NRXN1: variants seen among roughly 807,000 people sequenced by gnomAD.
NRXN1 encodes the protein neurexin 1.
Under a neutral mutation model 150.9 loss-of-function variants are expected in NRXN1, and 39 were observed. That is an observed-to-expected ratio of 0.26 (90% CI 0.20 to 0.34). NRXN1 has a LOEUF of 0.34. NRXN1 is among the 10% of genes least tolerant of loss of function. NRXN1 has a pLI of 1.00. For missense variants in NRXN1, 1,815 were observed against 1,949.9 expected, an observed-to-expected ratio of 0.93 and a Z score of 1.30; for synonymous variants, 924 against 757.0, an observed-to-expected ratio of 1.22 and a Z score of -3.62.
Position 49,961,366 on chromosome 2 carries a change from C to T in NRXN1, c.4129-17575G>A, listed in dbSNP as rs77952945. 1.7e-4 allele frequency among the ~76,000 whole-genome samples: 26 copies of T among 151,926 alleles called. No individual in the cohort carries two copies. In the East Asian group the frequency reaches 4.9e-3, roughly 28 times the overall value. On this transcript the variant is annotated intron_variant, in intron 21 of 22. Coordinates refer to ENST00000401669, the MANE Select transcript of NRXN1 (RefSeq NM_001330078.2). ...CACACACATCAATCTCTCAATCTCC[C>T]GTCCTCCTTGTTGTAACATTTTGTT...
intron 18 of NRXN1, among the ~76,000 whole-genome samples, chr2:50,103,816 C>G (rs971439424): frequency 2.0e-5 from 3 of 151,946 alleles, no homozygotes; most frequent in Non-Finnish European, 4.4e-5. Flanking sequence ...TCAGTAAAGA[C>G]AGCCGAAGGA....
chr2:50,058,399 G>C (rs1280498459), intron 19 of NRXN1, among the ~76,000 whole-genome samples: 1 of 152,176 alleles, frequency 6.6e-6, no homozygotes, highest in East Asian at 1.9e-4. Flanking sequence ...AATTCAGTGA[G>C]CACTGTTTTA....
intron 18 of NRXN1, among the ~76,000 whole-genome samples, chr2:50,204,651 G>T (rs2062434367): frequency 6.6e-6 from 1 of 151,914 alleles, no homozygotes; most frequent in South Asian, 2.1e-4. Context: ...CATTTGGTTG[G>T]GTGCTTATTT....
chr2:50,041,605 T>A (rs1036347433), intron 21 of NRXN1, among the ~76,000 whole-genome samples: 1 of 152,196 alleles, frequency 6.6e-6, no homozygotes, highest in Non-Finnish European at 1.5e-5. Flanking sequence ...GTGAAGTAAG[T>A]TTTAGCTATT....
chr2:50,866,064 T>C (rs62140628), intron 5 of NRXN1, among the ~76,000 whole-genome samples: 3,905 of 151,860 alleles, frequency 0.026, 77 homozygotes, highest in Non-Finnish European at 0.037. Context: ...TTTGGCCAAA[T>C]TGGTCTGTCT....
chr2:50,787,291 G>A (rs1705258295), intron 5 of NRXN1, among the ~76,000 whole-genome samples: 1 of 152,032 alleles, frequency 6.6e-6, no homozygotes, highest in Non-Finnish European at 1.5e-5. Context: ...AGGGCGCTGT[G>A]GCTCATGCCT....
intron 5 of NRXN1, among the ~76,000 whole-genome samples, chr2:50,651,502 G>GACATA (rs1553928006): frequency 0.02 from 2,917 of 146,840 alleles, 93 homozygotes; most frequent in African/African-American, 0.074. Context: ...GACATGACAT[G>GACATA]ACATGACATA....
At chr2:50,173,407 A>T (rs553070783) in intron 18 of NRXN1, among the ~76,000 whole-genome samples, 1 of 152,348 alleles carries the variant, frequency 6.6e-6, no homozygotes, top group African/African-American at 2.4e-5. Flanking sequence ...TCAGTGAATC[A>T]TCAGAGTAGT....
chr2:50,219,616 G>A (rs2063655343), intron 18 of NRXN1, among the ~76,000 whole-genome samples: 1 of 151,444 alleles, frequency 6.6e-6, no homozygotes, highest in Non-Finnish European at 1.5e-5. Context: ...GTCAAATACA[G>A]TGGCTCACTC....
At chr2:50,192,559 T>C (rs111839209) in intron 18 of NRXN1, among the ~76,000 whole-genome samples, 8 of 151,278 alleles carry the variant, frequency 5.3e-5, no homozygotes, top group African/African-American at 1.9e-4. Context: ...TGTAAAATGA[T>C]ACCTATATAT....
At chr2:50,749,999 C>T (rs1700406677) in intron 5 of NRXN1, among the ~76,000 whole-genome samples, 1 of 152,008 alleles carries the variant, frequency 6.6e-6, no homozygotes, top group Non-Finnish European at 1.5e-5. Context: ...AGATTGTATC[C>T]TAACATCGCT....
At position 50,506,511 on chromosome 2, in the gene NRXN1, G is replaced by T. The variant is rs2092230458; in HGVS notation, c.2481C>A (p.Asp827Glu). 6.2e-7 allele frequency: 1 copy of T among 1,612,778 alleles called. No individual in the cohort carries two copies. Among genetic ancestry groups the T allele is most frequent in the Non-Finnish European group, 8.5e-7 (1 of 1,179,318 alleles). Residue 827 changes from aspartate (D) to glutamate (E), a missense_variant, in exon 13 of 23, where the codon GAC (aspartate) becomes GAA (glutamate). Physicochemically the swap from Asp to Glu is conservative, Grantham distance 45. Around this residue, in one of 6 missense-constraint regions of NRXN1, gnomAD observed 638 missense variants for 652.6 expected, o/e 0.98. Coordinates refer to ENST00000401669, the MANE Select transcript of NRXN1 (RefSeq NM_001330078.2). ...GGTGTTTACCTGTCATGGCCTGTTG[G>T]TCATCCACTGTTAACTTTAAACTTT... Reference protein sequence around the residue: ...RGKSLKLTVDDQQAMTGQMAG... With the variant: ...RGKSLKLTVDEQQAMTGQMAG...
intron 2 of NRXN1, among the ~76,000 whole-genome samples, chr2:50,973,868 G>A (rs10179183): frequency 0.1 from 15,714 of 151,900 alleles, 905 homozygotes; most frequent in South Asian, 0.17. Context: ...TAGATTTCTG[G>A]CTTTTGTAGT....
intron 8 of NRXN1, among the ~76,000 whole-genome samples, chr2:50,577,367 A>G (rs758827213): frequency 2.3e-4 from 34 of 149,140 alleles, no homozygotes; most frequent in Non-Finnish European, 4.0e-4. Context: ...TAGTTGTCTA[A>G]AAAAAAAAAA....
intron 21 of NRXN1, among the ~76,000 whole-genome samples, chr2:49,947,514 CTTT>C (rs199991365): frequency 9.2e-6 from 1 of 109,000 alleles, no homozygotes. Context: ...TTTTTTTTTT[CTTT>C]TTTTTTTTTT....
At chr2:50,447,425 A>G (rs2086516136) in intron 17 of NRXN1, among the ~76,000 whole-genome samples, 1 of 129,388 alleles carries the variant, frequency 7.7e-6, no homozygotes, top group Non-Finnish European at 1.5e-5. Context: ...GGTTGCAGTG[A>G]GCTCAGATTG....
chr2:50,581,833 A>C (rs1672309712), intron 8 of NRXN1, among the ~76,000 whole-genome samples: 1 of 152,178 alleles, frequency 6.6e-6, no homozygotes, highest in Non-Finnish European at 1.5e-5. Flanking sequence ...TTTATCCAAG[A>C]GCATACAGTT....
chr2:50,881,878 G>A (rs1032078192), intron 5 of NRXN1, among the ~76,000 whole-genome samples: 1 of 151,600 alleles, frequency 6.6e-6, no homozygotes, highest in African/African-American at 2.4e-5. Context: ...AATGGAGTTT[G>A]CCAGCTGAGA....
chr2:51,013,066 G>C (rs1167624577), intron 2 of NRXN1, among the ~76,000 whole-genome samples: 2 of 151,942 alleles, frequency 1.3e-5, no homozygotes, highest in Non-Finnish European at 2.9e-5. Context: ...TATGCAGCAG[G>C]GCAAGAACAT....
Sources: gnomAD v4.1 joint callset for allele counts (sites outside exome capture counted in the v4.1 genomes callset) on GRCh38, gnomAD v4.1.1 for gene constraint, gnomAD v4.1.1 regional missense constraint, MANE v1.5 for transcripts, NCBI Gene and HGNC (gene_info 2026-07-23, HGNC 2026-07-21) for gene names.